The following NLK variants were observed in gnomAD, a reference collection of about 807,000 sequenced individuals.
NLK encodes the protein serine/threonine-protein kinase NLK.
A neutral mutation model predicts 59.0 loss-of-function variants in NLK; 11 were observed. That is an observed-to-expected ratio of 0.19 (90% CI 0.12 to 0.31). NLK has a LOEUF of 0.31. Among genes scored for constraint, NLK ranks in the 10% least tolerant of loss-of-function variants. NLK has a pLI of 1.00. For synonymous variants in NLK, 235 were observed against 235.9 expected (o/e 1.00, Z 0.03); for missense variants, 410 against 661.1 (o/e 0.62, Z 4.16).
rs77968267 is a variant in NLK at position 28,176,908 on chromosome 17, G to A, written c.1149+4290G>A. 7.0e-3 allele frequency among the ~76,000 whole-genome samples: 1,065 copies of A among 152,246 alleles called. 18 individuals are homozygous for A. The highest frequency in any genetic ancestry group is 0.024 in the African/African-American group (995 of 41,532). ...GCCCTTAAGCAATGCAGGGGCTGGG[G>A]TGCCAACTCCACCCCCCTAACCCCC... is the stretch of plus-strand genomic sequence containing the variant. On this transcript the variant is annotated intron_variant, in intron 7 of 10. Transcript: ENST00000407008.
In NLK at chr17:28,043,042, T is replaced by G. The variant is rs1489755911; in HGVS notation, c.169T>G (p.Ser57Ala). ...CCCTCAACACCATCTTCATCCGGGG[T>G]CGGCTGCCGCTGTACACCCTGTACA... is the stretch of plus-strand genomic sequence containing the variant. The part of the protein sequence containing the change: ...HHPQHHLHPG[S>A]AAAVHPVQQH... The change falls in exon 1 of 11, where the codon TCG becomes GCG. Residue 57 changes from serine to alanine, a missense_variant. By Grantham distance (99) the Ser-to-Ala change is moderately conservative. This residue lies in a region of NLK where 160 missense variants were observed against 171.0 expected (regional missense o/e 0.94). Coordinates refer to ENST00000407008, the MANE Select transcript of NLK (RefSeq NM_016231.5). 3.9e-6 allele frequency: 6 copies of G among 1,556,926 alleles called. No individual in the cohort carries two copies. Among genetic ancestry groups the G allele is most frequent in the Non-Finnish European group, 5.2e-6 (6 of 1,149,934 alleles).
At chr17:28,147,842 A>G (rs1907321922) in intron 3 of NLK, among the ~76,000 whole-genome samples, 1 of 152,204 alleles carries the variant, frequency 6.6e-6, no homozygotes, top group African/African-American at 2.4e-5. Context: ...GGCACTGTCC[A>G]CTAACAATTC....
At chr17:28,083,313 G>A (rs1910408537) in intron 1 of NLK, among the ~76,000 whole-genome samples, 1 of 152,006 alleles carries the variant, frequency 6.6e-6, no homozygotes, top group African/African-American at 2.4e-5. Context: ...ATCCTTCTTT[G>A]AAAAATACAT....
At chr17:28,123,491 T>C (rs1906161111) in intron 2 of NLK, among the ~76,000 whole-genome samples, 1 of 152,192 alleles carries the variant, frequency 6.6e-6, no homozygotes, top group African/African-American at 2.4e-5. Flanking sequence ...GCAAAGCAAA[T>C]ATTGATATTT....
At chr17:28,171,144 G>A (rs1170051431) in intron 6 of NLK, 1 of 152,094 alleles carries the variant, frequency 6.6e-6, no homozygotes, top group African/African-American at 2.4e-5. Flanking sequence ...GGTTGTTAGA[G>A]ATCCAAAAGT....
At chr17:28,167,790 G>A (rs774661633) in intron 5 of NLK, among the ~76,000 whole-genome samples, 29 of 151,706 alleles carry the variant, frequency 1.9e-4, no homozygotes, top group African/African-American at 4.3e-4. Context: ...GATCGATCAC[G>A]CCACTGCACT....
At chr17:28,157,674 A>G (rs1907830056) in intron 3 of NLK, among the ~76,000 whole-genome samples, 1 of 152,212 alleles carries the variant, frequency 6.6e-6, no homozygotes, top group Non-Finnish European at 1.5e-5. Flanking sequence ...GAATAAGAAG[A>G]TAAATCCAAA....
chr17:28,084,274 G>C (rs1910439592), intron 1 of NLK, among the ~76,000 whole-genome samples: 1 of 152,194 alleles, frequency 6.6e-6, no homozygotes. Flanking sequence ...AGCCTTTGGT[G>C]TAAAATGGTT....
chr17:28,183,721 G>A (rs1398887302), intron 7 of NLK, among the ~76,000 whole-genome samples: 1 of 152,036 alleles, frequency 6.6e-6, no homozygotes, highest in African/African-American at 2.4e-5. Context: ...GTAGACGGCA[G>A]GTCTAAAACC....
At chr17:28,063,627 C>T (rs1467732285) in intron 1 of NLK, among the ~76,000 whole-genome samples, 1 of 152,152 alleles carries the variant, frequency 6.6e-6, no homozygotes, top group African/African-American at 2.4e-5. Context: ...TCCAAAGATA[C>T]TGCTTATATA....
At chr17:28,061,933 A>T (rs1044945405) in intron 1 of NLK, 10 of 140,334 alleles carry the variant, frequency 7.1e-5, no homozygotes, top group South Asian at 2.3e-4. Flanking sequence ...ATATATATAT[A>T]TATTTTTTTT....
chr17:28,043,434 C>A, intron 1 of NLK, 103 bp downstream of exon 1: 2 of 1,053,384 alleles, frequency 1.9e-6, no homozygotes, highest in Non-Finnish European at 2.7e-6. Flanking sequence ...CAAGGTGCAG[C>A]AAGCTTCTCA....
chr17:28,118,164 T>A (rs1216928365), intron 1 of NLK, among the ~76,000 whole-genome samples: 2 of 152,166 alleles, frequency 1.3e-5, no homozygotes, highest in Non-Finnish European at 1.5e-5. Context: ...AGGAAATGAA[T>A]TTCAAAATAA....
chr17:28,090,672 G>C (rs1237345724), intron 1 of NLK, among the ~76,000 whole-genome samples: 1 of 151,920 alleles, frequency 6.6e-6, no homozygotes, highest in East Asian at 1.9e-4. Context: ...CTCCTGGTGG[G>C]AGCTTGTTAA....
At chr17:28,064,584 G>C (rs910899121) in intron 1 of NLK, among the ~76,000 whole-genome samples, 3 of 152,140 alleles carry the variant, frequency 2.0e-5, no homozygotes, top group Admixed American at 2.0e-4. Flanking sequence ...GTTTTTCAGG[G>C]ATGGGGTCTC....
chr17:28,152,795 A>AT (rs1008603124), intron 3 of NLK, among the ~76,000 whole-genome samples: 15 of 150,726 alleles, frequency 1.0e-4, no homozygotes, highest in Non-Finnish European at 1.3e-4. Flanking sequence ...AGCTAACTTT[A>AT]TTTTTTTTTG....
chr17:28,149,871 G>T (rs936907959), intron 3 of NLK, among the ~76,000 whole-genome samples: 13 of 152,172 alleles, frequency 8.5e-5, no homozygotes, highest in African/African-American at 2.9e-4. Flanking sequence ...GAAGATTGAA[G>T]ACAGTGACTT....
At chr17:28,142,738 G>A (rs1907061021) in intron 3 of NLK, among the ~76,000 whole-genome samples, 1 of 152,094 alleles carries the variant, frequency 6.6e-6, no homozygotes, top group Non-Finnish European at 1.5e-5. Flanking sequence ...AAAAAAACGA[G>A]CAGGAGATTT....
intron 7 of NLK, among the ~76,000 whole-genome samples, chr17:28,178,952 G>A (rs1301676690): frequency 6.6e-6 from 1 of 152,212 alleles, no homozygotes; most frequent in African/African-American, 2.4e-5. Flanking sequence ...CAACCAGCAT[G>A]CTGCAGTTAG....
Sources: allele counts gnomAD v4.1 joint callset (sites outside exome capture counted in the v4.1 genomes callset), GRCh38; gene constraint gnomAD v4.1.1; regional missense constraint gnomAD v4.1.1; transcripts MANE v1.5; gene names NCBI Gene and HGNC (gene_info 2026-07-23, HGNC 2026-07-21).